The following HECW2 variants were observed in gnomAD, a reference collection of about 807,000 sequenced individuals.
The protein encoded by HECW2 is HECT, C2 and WW domain containing E3 ubiquitin protein ligase 2, also known as E3 ubiquitin-protein ligase HECW2.
HECW2 carries 61 observed loss-of-function variants against 175.2 expected under a neutral mutation model. The observed-to-expected ratio is 0.35, with a 90% CI of 0.28 to 0.43. The LOEUF (loss-of-function observed/expected upper bound fraction) is 0.43, where lower values mean the gene tolerates loss of function less well. HECW2 is among the 20% of genes least tolerant of loss of function. The probability of loss-of-function intolerance (pLI) is 1.00; values close to 1 mark genes in which losing one functional copy is unlikely to be tolerated. For missense variants in HECW2, 1,524 were observed against 2,000.5 expected, an observed-to-expected ratio of 0.76 and a Z score of 4.54; for synonymous variants, 671 against 731.0, an observed-to-expected ratio of 0.92 and a Z score of 1.32.
rs891508589 is a variant in HECW2 at position 196,346,949 on chromosome 2, A to G, written c.293-3185T>C. On this transcript the variant is annotated intron_variant, in intron 2 of 28. Transcript: ENST00000644978. ...CTTGAACCCGAGAGGTGGAGTTTGC[A>G]GTGAGCCGAGATCACGCCACCGTAC... Among the ~76,000 whole-genome samples the G allele has an allele frequency of 2.7e-5, 4 of 145,974 alleles. No homozygotes were observed. The East Asian group carries it at 8.3e-4, about 30-fold the overall frequency.
chr2:196,226,502 C>T (rs1367564619), intron 22 of HECW2, among the ~76,000 whole-genome samples: 4 of 152,158 alleles, frequency 2.6e-5, no homozygotes, highest in African/African-American at 7.2e-5. Context: ...ATCAGTTTCA[C>T]TCATATTTAG....
At chr2:196,465,875 G>T (rs1432456808) in intron 1 of HECW2, among the ~76,000 whole-genome samples, 1 of 151,734 alleles carries the variant, frequency 6.6e-6, no homozygotes, top group Non-Finnish European at 1.5e-5. Context: ...CCTTTCTTTA[G>T]CCCTTTTCTT....
At chr2:196,587,820 T>C (rs1691040577) in intron 1 of HECW2, among the ~76,000 whole-genome samples, 1 of 152,200 alleles carries the variant, frequency 6.6e-6, no homozygotes, top group Admixed American at 6.5e-5. Context: ...CATAATTAAA[T>C]GGCCTATCTC....
rs985305488 is a variant in HECW2 at position 196,438,845 on chromosome 2, C to T, written c.-35-5387G>A. ...GACAAGTATCAGAAACTTTTTATAA[C>T]TCTTTTTGCTTCTTTTCTTCTACCC... On this transcript the variant is annotated intron_variant, in intron 1 of 28. Transcript: ENST00000644978. 2.6e-5 allele frequency among the ~76,000 whole-genome samples: 4 copies of T among 152,186 alleles called. No individual in the cohort carries two copies. The East Asian group carries it at 7.7e-4, about 29-fold the overall frequency.
At chr2:196,230,876 G>C (rs1688026667) in intron 21 of HECW2, among the ~76,000 whole-genome samples, 1 of 152,124 alleles carries the variant, frequency 6.6e-6, no homozygotes, top group Admixed American at 6.5e-5. Flanking sequence ...AGCTGAGGCA[G>C]GCGGATCACG....
At chr2:196,233,864 A>C (rs1309525699) in intron 21 of HECW2, among the ~76,000 whole-genome samples, 2 of 152,214 alleles carry the variant, frequency 1.3e-5, no homozygotes, top group African/African-American at 4.8e-5. Context: ...CTGACCAGTC[A>C]TATGTAAGAA....
At position 196,343,767 on chromosome 2, in the gene HECW2, A is replaced by G. The variant is rs1230904847; in HGVS notation, c.293-3T>C. On this transcript the variant is annotated splice_polypyrimidine_tract_variant and splice_region_variant and intron_variant, in intron 2 of 28. Transcript: ENST00000644978. Reference sequence around the variant, plus strand: ...GAAGTTGGCTGGAGAATTCTCATCTAGAAAAACCAAAGAAACACTTTTCAG... The same window carrying G: ...GAAGTTGGCTGGAGAATTCTCATCTGGAAAAACCAAAGAAACACTTTTCAG... 4 of 1,582,634 alleles carry G rather than the reference A, an allele frequency of 2.5e-6. No individual in the cohort carries two copies. The highest frequency in any genetic ancestry group is 3.5e-6 in the Non-Finnish European group (4 of 1,151,630).
intron 1 of HECW2, among the ~76,000 whole-genome samples, chr2:196,440,990 C>A (rs1696024330): frequency 6.6e-6 from 1 of 152,146 alleles, no homozygotes; most frequent in Non-Finnish European, 1.5e-5. Context: ...TTTCAAACAA[C>A]TGAAAACAAA....
intron 13 of HECW2, among the ~76,000 whole-genome samples, chr2:196,304,850 G>A (rs1313939482): frequency 2.0e-5 from 3 of 152,174 alleles, no homozygotes; most frequent in Admixed American, 6.5e-5. Flanking sequence ...CAGCAACACC[G>A]AATTGCTTAC....
chr2:196,471,151 T>A (rs1361005345), intron 1 of HECW2, among the ~76,000 whole-genome samples: 4 of 152,158 alleles, frequency 2.6e-5, no homozygotes, highest in South Asian at 2.1e-4. Flanking sequence ...CTCCTAAGTA[T>A]ATTCTAAGAA....
At chr2:196,284,122 T>C (rs997948861) in intron 14 of HECW2, among the ~76,000 whole-genome samples, 6 of 152,194 alleles carry the variant, frequency 3.9e-5, no homozygotes, top group South Asian at 4.1e-4. Flanking sequence ...AAACATTTCA[T>C]TATGTATTGA....
intron 2 of HECW2, among the ~76,000 whole-genome samples, chr2:196,361,380 A>G (rs1375524266): frequency 6.6e-6 from 1 of 152,204 alleles, no homozygotes; most frequent in Non-Finnish European, 1.5e-5. Context: ...CTGTTTTCAC[A>G]TCTCACTCCC....
chr2:196,592,862 C>G (rs1280703187), intron 1 of HECW2: 2 of 150,246 alleles, frequency 1.3e-5, no homozygotes, highest in Non-Finnish European at 3.0e-5. Context: ...CCCGCGGCCC[C>G]GGCGCCCTGC....
At chr2:196,431,498 T>A (rs1176790036) in intron 2 of HECW2, among the ~76,000 whole-genome samples, 1 of 152,232 alleles carries the variant, frequency 6.6e-6, no homozygotes, top group East Asian at 1.9e-4. Flanking sequence ...TTTTTTAAAC[T>A]ACAATTTGGT....
intron 1 of HECW2, among the ~76,000 whole-genome samples, chr2:196,509,923 C>CT (rs1484575756): frequency 6.6e-6 from 1 of 152,212 alleles, no homozygotes; most frequent in Non-Finnish European, 1.5e-5. Context: ...ATCGCTTGCT[C>CT]TGAGACTCTT....
At chr2:196,209,890 A>C (rs1292109464) in intron 28 of HECW2, among the ~76,000 whole-genome samples, 2 of 151,252 alleles carry the variant, frequency 1.3e-5, no homozygotes, top group East Asian at 1.9e-4. Context: ...CTGCCTCCCG[A>C]GTAGATGGGG....
intron 2 of HECW2, among the ~76,000 whole-genome samples, chr2:196,352,570 T>A (rs569881423): frequency 7.0e-6 from 1 of 142,100 alleles, no homozygotes; most frequent in African/African-American, 3.0e-5. Context: ...CTGTATCCTC[T>A]ATAGCAGGGT....
At chr2:196,389,497 C>T (rs374746739) in intron 2 of HECW2, among the ~76,000 whole-genome samples, 4 of 152,170 alleles carry the variant, frequency 2.6e-5, no homozygotes, top group Admixed American at 6.6e-5. Context: ...CTGCCTTCTA[C>T]GGCGTCCTAA....
chr2:196,388,106 C>T (rs573918905), intron 2 of HECW2, among the ~76,000 whole-genome samples: 23 of 151,838 alleles, frequency 1.5e-4, no homozygotes, highest in African/African-American at 2.9e-4. Context: ...GACTGGGCAA[C>T]GTAATAAGAC....
Sources: allele counts gnomAD v4.1 joint callset (sites outside exome capture counted in the v4.1 genomes callset), GRCh38; gene constraint gnomAD v4.1.1; transcripts MANE v1.5; gene names NCBI Gene and HGNC (gene_info 2026-07-23, HGNC 2026-07-21).